The following RAB3GAP2 variants were observed in gnomAD, a reference collection of about 807,000 sequenced individuals.
RAB3GAP2 encodes the protein RAB3 GTPase activating non-catalytic protein subunit 2.
In RAB3GAP2, 87 loss-of-function variants were observed where a neutral mutation model predicts 185.3. The ratio of observed to expected loss-of-function variants is 0.47; its 90% CI spans 0.39 to 0.56. RAB3GAP2 has a LOEUF of 0.56. Among genes scored for constraint, RAB3GAP2 ranks in the 20% least tolerant of loss-of-function variants. The probability of loss-of-function intolerance (pLI) is 0.00; values close to 1 mark genes in which losing one functional copy is unlikely to be tolerated. For synonymous variants in RAB3GAP2, 554 were observed against 576.1 expected, an observed-to-expected ratio of 0.96 and a Z score of 0.55; for missense variants, 1,492 against 1,638.2, an observed-to-expected ratio of 0.91 and a Z score of 1.54.
chr1:220,171,828 G>A (rs1022405445), intron 23 of RAB3GAP2, 61 bp downstream of exon 23: 1 of 1,606,452 alleles, frequency 6.2e-7, no homozygotes, highest in Non-Finnish European at 8.5e-7. Flanking sequence ...CCCAGAAAAG[G>A]AAAGCATCCC....
rs1391772415 is a variant in RAB3GAP2 at position 220,148,789 on chromosome 1, A to ATATC, written c.*2458_*2461dup. 1.3e-5 allele frequency: 2 copies of ATATC among 152,164 alleles called. No homozygotes were observed. Among genetic ancestry groups the ATATC allele is most frequent in the African/African-American group, 2.4e-5 (1 of 41,442 alleles). 9.4% of individuals were successfully genotyped at this position (152,164 alleles called of 1,614,324 possible). On this transcript the variant is annotated 3_prime_UTR_variant, in exon 35 of 35. Coordinates refer to ENST00000358951, the MANE Select transcript of RAB3GAP2 (RefSeq NM_012414.4). ...GAAGCATTAAGAAGCATGGTGCTAT[A>ATATC]TATCTCTTTATCTACATTTACCCTG...
intron 20 of RAB3GAP2, 89 bp from the exon 21 acceptor site, chr1:220,182,443 G>C (rs1658428020): frequency 6.4e-7 from 1 of 1,571,634 alleles, no homozygotes; most frequent in African/African-American, 1.4e-5. Flanking sequence ...GAATTCCAGA[G>C]AAACAAAACA....
intron 2 of RAB3GAP2, among the ~76,000 whole-genome samples, chr1:220,224,192 G>T (rs972206653): frequency 5.3e-5 from 8 of 152,024 alleles, no homozygotes; most frequent in Admixed American, 5.2e-4. Context: ...TAGAAATGAG[G>T]TAACTGAACT....
At chr1:220,186,125 T>C (rs1658503203) in intron 17 of RAB3GAP2, among the ~76,000 whole-genome samples, 1 of 152,166 alleles carries the variant, frequency 6.6e-6, no homozygotes. Context: ...TAACAAAAGC[T>C]GCCAAAAACT....
chr1:220,169,501 ATAAG>A (rs1278402839), intron 24 of RAB3GAP2, among the ~76,000 whole-genome samples: 1 of 152,236 alleles, frequency 6.6e-6, no homozygotes, highest in Admixed American at 6.5e-5. Flanking sequence ...ACCTTGAAAG[ATAAG>A]TAAGATTTCG....
chr1:220,214,124 A>C (rs1659138212), intron 2 of RAB3GAP2, 145 bp from the exon 3 acceptor site: 2 of 810,698 alleles, frequency 2.5e-6, no homozygotes, highest in Middle Eastern at 3.2e-4. Context: ...ATTCCTTATC[A>C]AAACATGCCA....
intron 1 of RAB3GAP2, among the ~76,000 whole-genome samples, chr1:220,235,616 T>C (rs1659576284): frequency 6.6e-6 from 1 of 152,168 alleles, no homozygotes; most frequent in Non-Finnish European, 1.5e-5. Flanking sequence ...TAAAAGCAAA[T>C]AAGCCTTCAA....
At chr1:220,169,158 G>T (rs928518157) in intron 24 of RAB3GAP2, among the ~76,000 whole-genome samples, 1 of 152,106 alleles carries the variant, frequency 6.6e-6, no homozygotes, top group Non-Finnish European at 1.5e-5. Flanking sequence ...TTTACAATAA[G>T]AAAAAGTTCA....
intron 1 of RAB3GAP2, chr1:220,271,386 GCA>G (rs1485588975): frequency 6.6e-6 from 1 of 151,936 alleles, no homozygotes; most frequent in Non-Finnish European, 1.5e-5. Context: ...AAAACACAAG[GCA>G]CACCCTTTCA....
intron 33 of RAB3GAP2, among the ~76,000 whole-genome samples, chr1:220,152,643 C>T (rs1217813830): frequency 6.6e-6 from 1 of 152,192 alleles, no homozygotes; most frequent in Non-Finnish European, 1.5e-5. Context: ...GTTCAAATGT[C>T]ACCTTCTCTG....
intron 7 of RAB3GAP2, among the ~76,000 whole-genome samples, chr1:220,206,345 C>T (rs1420543423): frequency 6.6e-6 from 1 of 152,188 alleles, no homozygotes; most frequent in Non-Finnish European, 1.5e-5. Flanking sequence ...AAATCCCAGA[C>T]ACGTCTCAAT....
intron 1 of RAB3GAP2, chr1:220,254,075 T>C (rs1659988911): frequency 4.3e-6 from 7 of 1,613,838 alleles, no homozygotes; most frequent in Admixed American, 1.7e-5. Flanking sequence ...CCGTGGCTTG[T>C]TGATGACTGG....
At chr1:220,257,608 TCA>T (rs1208872231) in intron 1 of RAB3GAP2, among the ~76,000 whole-genome samples, 1 of 152,014 alleles carries the variant, frequency 6.6e-6, no homozygotes, top group Non-Finnish European at 1.5e-5. Context: ...CACTAAATGC[TCA>T]CATCAAAAAG....
chr1:220,225,243 ATTAC>A (rs1659381806), intron 2 of RAB3GAP2, among the ~76,000 whole-genome samples: 1 of 152,170 alleles, frequency 6.6e-6, no homozygotes, highest in African/African-American at 2.4e-5. Context: ...TTTCCTGGCA[ATTAC>A]TTAGCTGCAC....
chr1:220,254,754 A>G (rs1038984463), intron 1 of RAB3GAP2, among the ~76,000 whole-genome samples: 1 of 151,694 alleles, frequency 6.6e-6, no homozygotes, highest in African/African-American at 2.4e-5. Context: ...AGTGTTTTCA[A>G]TGATGGACAA....
intron 28 of RAB3GAP2, among the ~76,000 whole-genome samples, chr1:220,161,398 A>T (rs1657961320): frequency 6.6e-6 from 1 of 152,188 alleles, no homozygotes; most frequent in Non-Finnish European, 1.5e-5. Context: ...ATGCTACACT[A>T]ATCTACATTG....
intron 22 of RAB3GAP2, among the ~76,000 whole-genome samples, 159 bp downstream of exon 22, chr1:220,172,478 T>C (rs985163676): frequency 4.6e-5 from 7 of 152,220 alleles, no homozygotes; most frequent in Non-Finnish European, 1.0e-4. Flanking sequence ...ATAAGTCAAA[T>C]GCATTAAGAG....
At chr1:220,241,040 T>C (rs1659688327) in intron 1 of RAB3GAP2, among the ~76,000 whole-genome samples, 1 of 152,096 alleles carries the variant, frequency 6.6e-6, no homozygotes, top group Admixed American at 6.5e-5. Context: ...CATATTTTAA[T>C]CAATCATCAA....
Position 220,190,396 on chromosome 1 carries a change from G to C in RAB3GAP2, c.1612C>G (p.Pro538Ala), listed in dbSNP as rs762602113. ...VSGSVKTVNVPFHLALSDKKS... is the reference protein window; with the variant it reads ...VSGSVKTVNVAFHLALSDKKS... ...CCTTACCTCAGTGCTAAATGGAAGG[G>C]AACGTTCACTGTTTTCACACTTCCA... is the stretch of plus-strand genomic sequence containing the variant. Residue 538 changes from proline to alanine, a missense_variant, in exon 15 of 35, where the codon CCC (proline) becomes GCC (alanine). Pro to Ala is a conservative substitution (Grantham distance 27). Around this residue, in one of 5 missense-constraint regions of RAB3GAP2, gnomAD observed 681 missense variants for 689.1 expected, o/e 0.99. Coordinates refer to ENST00000358951, the MANE Select transcript of RAB3GAP2 (RefSeq NM_012414.4). 1 of 1,613,946 alleles carries C rather than the reference G, an allele frequency of 6.2e-7. No homozygotes were observed. Among genetic ancestry groups the C allele is most frequent in the Non-Finnish European group, 8.5e-7 (1 of 1,179,992 alleles).
Sources: allele counts gnomAD v4.1 joint callset (sites outside exome capture counted in the v4.1 genomes callset), GRCh38; gene constraint gnomAD v4.1.1; regional missense constraint gnomAD v4.1.1; transcripts MANE v1.5; gene names NCBI Gene and HGNC (gene_info 2026-07-23, HGNC 2026-07-21).